MAST2: variants seen among roughly 807,000 people sequenced by gnomAD.
The protein encoded by MAST2 is microtubule-associated serine/threonine-protein kinase 2.
In MAST2, 70 loss-of-function variants were observed where a neutral mutation model predicts 147.4. That is an observed-to-expected ratio of 0.47 (90% confidence interval 0.39 to 0.58). The LOEUF is 0.58. MAST2 is among the 20% of genes least tolerant of loss of function. The probability of loss-of-function intolerance (pLI) is 0.00; values close to 1 mark genes in which losing one functional copy is unlikely to be tolerated. For synonymous variants in MAST2, 869 were observed against 896.8 expected, an observed-to-expected ratio of 0.97 and a Z score of 0.55; for missense variants, 2,080 against 2,302.3, an observed-to-expected ratio of 0.90 and a Z score of 1.98.
intron 26 of MAST2, 97 bp downstream of exon 26, chr1:46,032,815 C>G: frequency 7.0e-7 from 1 of 1,419,356 alleles, no homozygotes; most frequent in Admixed American, 2.0e-5. Context: ...GGTGCACACA[C>G]ATCTACACCG....
intron 1 of MAST2, among the ~76,000 whole-genome samples, chr1:45,823,768 CTTAT>C (rs1039434157): frequency 2.3e-4 from 35 of 151,966 alleles, no homozygotes; most frequent in African/African-American, 7.0e-4. Context: ...TCGAAAGTTT[CTTAT>C]TTATTATAAT....
At chr1:45,972,969 CTG>C (rs1643979344) in intron 5 of MAST2, among the ~76,000 whole-genome samples, 1 of 152,158 alleles carries the variant, frequency 6.6e-6, no homozygotes. Flanking sequence ...TAGATGTCCT[CTG>C]TTTTTTCATT....
At chr1:45,863,901 A>G (rs974209667) in intron 3 of MAST2, among the ~76,000 whole-genome samples, 3 of 152,242 alleles carry the variant, frequency 2.0e-5, no homozygotes, top group East Asian at 1.9e-4. Context: ...TCCTAAAAAT[A>G]TAATGCTGCC....
intron 5 of MAST2, among the ~76,000 whole-genome samples, chr1:45,991,771 T>C (rs1644863491): frequency 1.3e-5 from 2 of 152,248 alleles, no homozygotes. Context: ...GTTTGTTGAT[T>C]CTTTAGAATA....
intron 17 of MAST2, 60 bp downstream of exon 17, chr1:46,027,923 G>A (rs1305330023): frequency 9.4e-6 from 15 of 1,591,610 alleles, no homozygotes; most frequent in East Asian, 9.0e-5. Flanking sequence ...CTGGCGCAGT[G>A]TCTTACGCCC....
chr1:45,857,194 A>G (rs1412067592), intron 3 of MAST2, among the ~76,000 whole-genome samples: 1 of 152,224 alleles, frequency 6.6e-6, no homozygotes, highest in African/African-American at 2.4e-5. Flanking sequence ...ACAGTTGTAT[A>G]GCTAGGCCCA....
chr1:46,024,230 C>T (rs1646309209), intron 15 of MAST2: 1 of 483,102 alleles, frequency 2.1e-6, no homozygotes, highest in African/African-American at 2.0e-5. Context: ...ATCTTGCACC[C>T]CAAAGCCTGC....
Position 46,035,489 on chromosome 1 carries a change from C to T in MAST2, c.4820C>T (p.Ala1607Val), listed in dbSNP as rs1340559819. ...SAGPNLGQSG[A>V]TDPIPPEGCW... ...GGCCCCAACCTAGGTCAGTCTGGAGCCACAGACCCCATCCCTCCTGAAGGT... is the reference window on the plus strand; with the variant it reads ...GGCCCCAACCTAGGTCAGTCTGGAGTCACAGACCCCATCCCTCCTGAAGGT... The change falls in exon 29 of 29, where the codon GCC becomes GTC. Residue 1607 changes from alanine to valine, a missense_variant. Coordinates refer to ENST00000361297, the MANE Select transcript of MAST2 (RefSeq NM_015112.3). This position sits in a 1 kb window ranked among gnomAD's most constrained non-coding sequence, Gnocchi z 5.5. 2 of 1,613,240 alleles carry T rather than the reference C, an allele frequency of 1.2e-6. No homozygotes were observed. Among genetic ancestry groups the T allele is most frequent in the East Asian group, 2.2e-5 (1 of 44,840 alleles).
intron 10 of MAST2, 200 bp downstream of exon 10, chr1:46,011,139 A>G: frequency 3.4e-6 from 2 of 594,052 alleles, no homozygotes; most frequent in Non-Finnish European, 6.0e-6. Context: ...TATCAAAGGA[A>G]GTCACTTCTG....
At chr1:45,958,645 G>T (rs1392688250) in intron 4 of MAST2, among the ~76,000 whole-genome samples, 4 of 150,196 alleles carry the variant, frequency 2.7e-5, no homozygotes, top group Non-Finnish European at 5.9e-5. Context: ...CTGTTCTTTT[G>T]TTCCCTACTG....
intron 4 of MAST2, among the ~76,000 whole-genome samples, chr1:45,887,880 A>C (rs987452854): frequency 6.6e-6 from 1 of 152,224 alleles, no homozygotes; most frequent in African/African-American, 2.4e-5. Flanking sequence ...AAGTAATTTC[A>C]TATAGATTCT....
intron 5 of MAST2, among the ~76,000 whole-genome samples, chr1:45,995,005 AT>A (rs958553975): frequency 1.8e-4 from 28 of 151,788 alleles, no homozygotes; most frequent in African/African-American, 6.8e-4. Flanking sequence ...CGCCCGGCTA[AT>A]TTTTTTGTAT....
intron 5 of MAST2, among the ~76,000 whole-genome samples, chr1:45,987,162 A>G (rs1482101183): frequency 6.6e-6 from 1 of 152,212 alleles, no homozygotes; most frequent in African/African-American, 2.4e-5. Flanking sequence ...AGTTGTTTAC[A>G]ATAATTGACA....
At chr1:45,905,170 T>C (rs1421247128) in intron 4 of MAST2, among the ~76,000 whole-genome samples, 1 of 151,192 alleles carries the variant, frequency 6.6e-6, no homozygotes, top group Non-Finnish European at 1.5e-5. Context: ...AAAATATGTT[T>C]AATCTTTTTT....
chr1:45,817,400 T>TA (rs1570200679), intron 1 of MAST2, among the ~76,000 whole-genome samples: 1 of 152,076 alleles, frequency 6.6e-6, no homozygotes. Context: ...GGAAACCCCT[T>TA]ACAGGCCAAG....
chr1:45,965,195 G>T (rs896709737), intron 5 of MAST2, among the ~76,000 whole-genome samples: 7 of 152,178 alleles, frequency 4.6e-5, no homozygotes, highest in African/African-American at 1.7e-4. Flanking sequence ...TGTATATTCT[G>T]TTGATTTGGG....
chr1:45,868,444 A>G (rs140875877), intron 3 of MAST2, among the ~76,000 whole-genome samples: 105 of 152,300 alleles, frequency 6.9e-4, no homozygotes, highest in Middle Eastern at 3.4e-3. Flanking sequence ...GCAATTTCCC[A>G]GGTTCTGAAT....
At chr1:45,971,176 A>G (rs954040736) in intron 5 of MAST2, among the ~76,000 whole-genome samples, 20 of 152,158 alleles carry the variant, frequency 1.3e-4, no homozygotes, top group African/African-American at 4.1e-4. Context: ...TTGTAGTTGC[A>G]GCCCACTGGA....
chr1:45,978,183 G>T (rs776614402), intron 5 of MAST2, among the ~76,000 whole-genome samples: 2 of 152,206 alleles, frequency 1.3e-5, no homozygotes, highest in Non-Finnish European at 2.9e-5. Flanking sequence ...GTCAATAAAT[G>T]CATGAAAAGA....
Sources: allele counts gnomAD v4.1 joint callset (sites outside exome capture counted in the v4.1 genomes callset), GRCh38; gene constraint gnomAD v4.1.1; non-coding constraint Gnocchi (gnomAD v3.1); transcripts MANE v1.5; gene names NCBI Gene and HGNC (gene_info 2026-07-23, HGNC 2026-07-21).